ARB2A: variants seen among roughly 807,000 people sequenced by gnomAD.
The protein encoded by ARB2A is ARB2 cotranscriptional regulator A, also known as cotranscriptional regulator ARB2A.
chr5:93,990,404 T>TTA, the ARB2A span, among the ~76,000 whole-genome samples: 2 of 151,964 alleles, frequency 1.3e-5, no homozygotes, highest in African/African-American at 4.8e-5. Flanking sequence ...CCTTTTACCT[T>TTA]TACACATGGA....
the ARB2A span, among the ~76,000 whole-genome samples, chr5:93,638,616 C>T: frequency 6.6e-6 from 1 of 150,822 alleles, no homozygotes; most frequent in Non-Finnish European, 1.5e-5. Context: ...AGTGCGAGAC[C>T]AGCCTGACCA....
the ARB2A span, among the ~76,000 whole-genome samples, chr5:93,708,920 G>A: frequency 6.6e-6 from 1 of 152,112 alleles, no homozygotes; most frequent in African/African-American, 2.4e-5. Context: ...TTAGGTATAA[G>A]ATTTATTAGT....
the ARB2A span, among the ~76,000 whole-genome samples, chr5:93,690,955 T>A: frequency 6.6e-6 from 1 of 151,662 alleles, no homozygotes; most frequent in Non-Finnish European, 1.5e-5. Flanking sequence ...AGGGGCCTGT[T>A]AGAACAAACA....
At chr5:93,751,780 G>A in the ARB2A span, among the ~76,000 whole-genome samples, 14 of 152,194 alleles carry the variant, frequency 9.2e-5, no homozygotes, top group Non-Finnish European at 1.9e-4. Context: ...TTGGCCAGCA[G>A]ACAGATTTAT....
the ARB2A span, chr5:93,738,311 A>G: frequency 6.5e-6 from 1 of 153,146 alleles, no homozygotes; most frequent in Admixed American, 6.5e-5. Flanking sequence ...GTTGCCAGGG[A>G]TATGGAAAAA....
At chr5:93,739,253 A>G in the ARB2A span, 2 of 152,162 alleles carry the variant, frequency 1.3e-5, no homozygotes, top group Non-Finnish European at 2.9e-5. Flanking sequence ...AAAAAAAGAA[A>G]GAAAGAAAGA....
At chr5:93,923,837 T>A in the ARB2A span, among the ~76,000 whole-genome samples, 1 of 151,984 alleles carries the variant, frequency 6.6e-6, no homozygotes, top group Non-Finnish European at 1.5e-5. Context: ...GAAAGAATAC[T>A]CTACTGGAAT....
the ARB2A span, among the ~76,000 whole-genome samples, chr5:93,791,700 T>C: frequency 2.6e-5 from 4 of 152,162 alleles, no homozygotes; most frequent in Admixed American, 1.3e-4. Flanking sequence ...AGGCTCTCCA[T>C]AGGCAAGAAC....
the ARB2A span, among the ~76,000 whole-genome samples, chr5:93,845,304 C>T: frequency 6.6e-6 from 1 of 152,146 alleles, no homozygotes; most frequent in Non-Finnish European, 1.5e-5. Context: ...TTTAGGAGTA[C>T]ATATAGTTAA....
the ARB2A span, among the ~76,000 whole-genome samples, chr5:93,869,245 T>C: frequency 3.9e-5 from 6 of 152,310 alleles, no homozygotes; most frequent in South Asian, 8.3e-4. Flanking sequence ...GGGCCTTAAG[T>C]TGCCCTTTCT....
At chr5:93,898,768 C>T in the ARB2A span, among the ~76,000 whole-genome samples, 4 of 152,044 alleles carry the variant, frequency 2.6e-5, no homozygotes, top group South Asian at 2.1e-4. Context: ...TCTGCACAGC[C>T]GTTAGAAAGT....
chr5:93,688,750 C>T, the ARB2A span, among the ~76,000 whole-genome samples: 2 of 152,120 alleles, frequency 1.3e-5, no homozygotes, highest in Non-Finnish European at 2.9e-5. Context: ...TGAGAGGCAT[C>T]CACACAATTG....
the ARB2A span, among the ~76,000 whole-genome samples, chr5:93,807,330 T>G: frequency 6.6e-6 from 1 of 152,014 alleles, no homozygotes; most frequent in African/African-American, 2.4e-5. Context: ...AGATTTCCAT[T>G]GTCACCAAGT....
At chr5:93,699,072 C>T in the ARB2A span, among the ~76,000 whole-genome samples, 1 of 152,154 alleles carries the variant, frequency 6.6e-6, no homozygotes, top group Admixed American at 6.5e-5. Flanking sequence ...CTCACAACAT[C>T]CTATGTAGTA....
the ARB2A span, chr5:93,619,027 C>A: frequency 6.6e-6 from 1 of 152,168 alleles, no homozygotes; most frequent in Admixed American, 6.5e-5. Flanking sequence ...GAAAACACAA[C>A]ACAATTTATA....
the ARB2A span, among the ~76,000 whole-genome samples, chr5:93,713,865 A>T: frequency 1.7e-4 from 26 of 152,318 alleles, no homozygotes; most frequent in African/African-American, 6.0e-4. Context: ...AGAGGACCTC[A>T]TGAAATATAG....
chr5:94,097,135 C>T, the ARB2A span, among the ~76,000 whole-genome samples: 84 of 152,308 alleles, frequency 5.5e-4, no homozygotes, highest in Admixed American at 2.7e-3. Context: ...CTCCTCTACG[C>T]GGCTTTAGCA....
chr5:94,051,044 T>C, the ARB2A span, among the ~76,000 whole-genome samples: 6 of 152,246 alleles, frequency 3.9e-5, no homozygotes, highest in Non-Finnish European at 5.9e-5. Context: ...GTTATTCTTC[T>C]TGACCTTCAT....
chr5:93,640,112 C>A, the ARB2A span, among the ~76,000 whole-genome samples: 6 of 146,922 alleles, frequency 4.1e-5, no homozygotes, highest in Non-Finnish European at 7.5e-5. Context: ...TTGAACAGAA[C>A]CAGGTATGGC....
Sources: gnomAD v4.1 joint callset for allele counts (sites outside exome capture counted in the v4.1 genomes callset) on GRCh38, gnomAD v4.1.1 for gene constraint, MANE v1.5 for transcripts, NCBI Gene and HGNC (gene_info 2026-07-23, HGNC 2026-07-21) for gene names.